The following MSI2 variants were observed in gnomAD, a reference collection of about 807,000 sequenced individuals.
The protein encoded by MSI2 is RNA-binding protein Musashi homolog 2.
A neutral mutation model predicts 45.6 loss-of-function variants in MSI2; 17 were observed. The ratio of observed to expected loss-of-function variants is 0.37; its 90% CI spans 0.26 to 0.56. MSI2 has a LOEUF of 0.56. Among genes scored for constraint, MSI2 ranks in the 20% least tolerant of loss-of-function variants. The pLI is 0.77. For synonymous variants in MSI2, 156 were observed against 158.2 expected, an observed-to-expected ratio of 0.99 and a Z score of 0.11; for missense variants, 293 against 444.2, an observed-to-expected ratio of 0.66 and a Z score of 3.06.
intron 6 of MSI2, among the ~76,000 whole-genome samples, chr17:57,482,158 A>G (rs918894898): frequency 6.6e-6 from 1 of 152,232 alleles, no homozygotes; most frequent in African/African-American, 2.4e-5. Flanking sequence ...TGAAAGAGAT[A>G]TCTCACAGTG....
chr17:57,342,054 AAAAG>A (rs1299139462), intron 5 of MSI2, among the ~76,000 whole-genome samples: 1 of 152,188 alleles, frequency 6.6e-6, no homozygotes, highest in Non-Finnish European at 1.5e-5. Context: ...TCTGTTTTCT[AAAAG>A]AAAAAAGAAT....
intron 11 of MSI2, among the ~76,000 whole-genome samples, chr17:57,658,870 C>T (rs80332932): frequency 0.034 from 5,125 of 152,236 alleles, 251 homozygotes; most frequent in Admixed American, 0.14. Context: ...TCCATAAGGG[C>T]GCGCAGAGCA....
intron 6 of MSI2, among the ~76,000 whole-genome samples, chr17:57,497,978 A>T (rs191506148): frequency 2.6e-5 from 4 of 152,248 alleles, no homozygotes; most frequent in African/African-American, 9.6e-5. Context: ...CCTCAAATTA[A>T]ATTAGAGCCA....
At chr17:57,415,144 G>A (rs894724821) in intron 6 of MSI2, among the ~76,000 whole-genome samples, 4 of 152,116 alleles carry the variant, frequency 2.6e-5, no homozygotes, top group African/African-American at 9.7e-5. Flanking sequence ...TGGGCACCAG[G>A]GATGGGGGTA....
At chr17:57,284,606 C>T (rs1909709581) in intron 5 of MSI2, among the ~76,000 whole-genome samples, 1 of 152,088 alleles carries the variant, frequency 6.6e-6, no homozygotes, top group Non-Finnish European at 1.5e-5. Flanking sequence ...ACTCTGACCC[C>T]AATTTTTAAA....
intron 10 of MSI2, chr17:57,631,885 G>A: frequency 6.2e-7 from 1 of 1,604,642 alleles, no homozygotes; most frequent in Non-Finnish European, 8.5e-7. Flanking sequence ...AGAGAGAGAG[G>A]ACACAGTCCC....
chr17:57,460,691 G>A (rs1273802979), intron 6 of MSI2, among the ~76,000 whole-genome samples: 2 of 152,114 alleles, frequency 1.3e-5, no homozygotes, highest in Admixed American at 6.5e-5. Flanking sequence ...GTAGGGTGGA[G>A]GTGGGCAGGG....
At chr17:57,483,841 A>G (rs1034573739) in intron 6 of MSI2, among the ~76,000 whole-genome samples, 1 of 152,166 alleles carries the variant, frequency 6.6e-6, no homozygotes, top group Non-Finnish European at 1.5e-5. Flanking sequence ...CAGGCAGCAG[A>G]TGGGAGGGAG....
chr17:57,533,365 G>A (rs1452139091), intron 7 of MSI2, among the ~76,000 whole-genome samples: 2 of 152,184 alleles, frequency 1.3e-5, no homozygotes, highest in Non-Finnish European at 2.9e-5. Flanking sequence ...GAGATGTGGG[G>A]GCTCTCACCT....
intron 6 of MSI2, among the ~76,000 whole-genome samples, chr17:57,462,021 C>T (rs966952928): frequency 1.3e-5 from 2 of 152,166 alleles, no homozygotes; most frequent in African/African-American, 2.4e-5. Context: ...GGCCAGAAGT[C>T]CAAGATAAGG....
At chr17:57,315,890 A>G (rs563580104) in intron 5 of MSI2, among the ~76,000 whole-genome samples, 1 of 152,222 alleles carries the variant, frequency 6.6e-6, no homozygotes, top group African/African-American at 2.4e-5. Context: ...CTCTGTCTAA[A>G]TTAGGTCCTT....
In MSI2 at chr17:57,467,913, G is replaced by A. The variant is rs186561342; in HGVS notation, c.406-61763G>A. Among the ~76,000 whole-genome samples, 7 of 139,256 alleles carry A rather than the reference G, an allele frequency of 5.0e-5. No homozygotes were observed. In the East Asian group the frequency reaches 1.3e-3, roughly 25 times the overall value. 91.4% of individuals were successfully genotyped at this position (139,256 alleles called of 152,430 possible). ...GGGACCTGCACACTGACAGTCTCTGGCCCATTTTTAGGTATCTGGCAGTCC... is the reference window on the plus strand; with the variant it reads ...GGGACCTGCACACTGACAGTCTCTGACCCATTTTTAGGTATCTGGCAGTCC... On this transcript the variant is annotated intron_variant, in intron 6 of 13. Transcript: ENST00000284073.
Position 57,652,419 on chromosome 17 carries a change from A to AG in MSI2, c.790+258_790+259insG, listed in dbSNP as rs1033800226. Among the ~76,000 whole-genome samples the AG allele has an allele frequency of 1.0e-3, 158 of 152,132 alleles. 1 individual carries two copies. Among genetic ancestry groups the AG allele is most frequent in the African/African-American group, 3.5e-3 (145 of 41,506 alleles). ...TATTATTCTCTCCTTGAAAAAAAAA[A>AG]CAAACCTGAGTTTCTTTTTGACTTT... On this transcript the variant is annotated intron_variant, in intron 11 of 13. Coordinates refer to ENST00000284073, the MANE Select transcript of MSI2 (RefSeq NM_138962.4). This position sits in a 1 kb window ranked among gnomAD's most constrained non-coding sequence, Gnocchi z 4.1.
intron 11 of MSI2, among the ~76,000 whole-genome samples, chr17:57,665,967 G>A (rs1238252715): frequency 6.6e-6 from 1 of 152,220 alleles, no homozygotes; most frequent in African/African-American, 2.4e-5. Flanking sequence ...GTATCTCTTG[G>A]GGCAGTCAGA....
intron 5 of MSI2, among the ~76,000 whole-genome samples, chr17:57,343,872 CA>C (rs1336717397): frequency 6.6e-6 from 1 of 152,188 alleles, no homozygotes; most frequent in African/African-American, 2.4e-5. Flanking sequence ...AGTATTTCCT[CA>C]TGACTAGATT....
At chr17:57,655,476 C>T (rs907261596) in intron 11 of MSI2, among the ~76,000 whole-genome samples, 4 of 152,090 alleles carry the variant, frequency 2.6e-5, no homozygotes, top group Admixed American at 6.6e-5. Flanking sequence ...CTTCTGAGCC[C>T]CTGGTACCAC....
chr17:57,546,876 A>G (rs1472865963), intron 7 of MSI2, among the ~76,000 whole-genome samples: 2 of 152,232 alleles, frequency 1.3e-5, no homozygotes, highest in Admixed American at 6.5e-5. Context: ...TAGTTCTGGC[A>G]GTACTGCAGG....
intron 6 of MSI2, among the ~76,000 whole-genome samples, chr17:57,452,225 T>G (rs1423355669): frequency 6.6e-6 from 1 of 152,240 alleles, no homozygotes; most frequent in Non-Finnish European, 1.5e-5. Flanking sequence ...TAGTCTTCTT[T>G]CCGGTGGCTC....
At chr17:57,637,470 G>A (rs1451913378) in intron 10 of MSI2, among the ~76,000 whole-genome samples, 1 of 152,178 alleles carries the variant, frequency 6.6e-6, no homozygotes, top group Admixed American at 6.5e-5. Context: ...AGAATTGTGG[G>A]TTTCACTTCC....
Sources: gnomAD v4.1 joint callset for allele counts (sites outside exome capture counted in the v4.1 genomes callset) on GRCh38, gnomAD v4.1.1 for gene constraint, Gnocchi (gnomAD v3.1) non-coding constraint, MANE v1.5 for transcripts, NCBI Gene and HGNC (gene_info 2026-07-23, HGNC 2026-07-21) for gene names.